RAI14: variants seen among roughly 807,000 people sequenced by gnomAD.
RAI14 encodes retinoic acid induced 14.
RAI14 carries 45 observed loss-of-function variants against 115.4 expected under a neutral mutation model. The observed-to-expected ratio is 0.39, with a 90% CI of 0.31 to 0.50. The LOEUF (loss-of-function observed/expected upper bound fraction) is 0.50, where lower values mean the gene tolerates loss of function less well. Ranked by LOEUF, RAI14 falls within the 20% of genes least tolerant of loss-of-function variation. The probability of loss-of-function intolerance (pLI) is 0.85; values close to 1 mark genes in which losing one functional copy is unlikely to be tolerated. For missense variants in RAI14, 939 were observed against 1,131.2 expected (o/e 0.83, Z 2.44); for synonymous variants, 371 against 415.4 (o/e 0.89, Z 1.30).
At chr5:34,665,043 G>GTGTATATATATATGTGTATATATATA (rs1743016115) in intron 1 of RAI14, among the ~76,000 whole-genome samples, 9 of 43,178 alleles carry the variant, frequency 2.1e-4, no homozygotes, top group Non-Finnish European at 3.4e-4. Flanking sequence ...GTATATATAT[G>GTGTATATATATATGTGTATATATATA]TGTATATATA....
At chr5:34,726,500 C>A (rs1002520248) in intron 2 of RAI14, among the ~76,000 whole-genome samples, 1 of 152,166 alleles carries the variant, frequency 6.6e-6, no homozygotes, top group African/African-American at 2.4e-5. Context: ...CCCCATGATC[C>A]AATGACCTCC....
At chr5:34,681,141 T>C (rs1466065408) in intron 1 of RAI14, among the ~76,000 whole-genome samples, 1 of 152,200 alleles carries the variant, frequency 6.6e-6, no homozygotes, top group Admixed American at 6.5e-5. Flanking sequence ...GGTACCTTCA[T>C]TAGGAAGGTT....
chr5:34,776,793 T>C (rs369589475), intron 3 of RAI14, among the ~76,000 whole-genome samples: 30,699 of 145,580 alleles, frequency 0.21, 4,444 homozygotes, highest in Non-Finnish European at 0.3. Context: ...GGTGACAGAG[T>C]GAGACCCTTT....
chr5:34,693,253 C>T (rs146936215), intron 2 of RAI14, among the ~76,000 whole-genome samples: 7 of 152,306 alleles, frequency 4.6e-5, no homozygotes, highest in African/African-American at 1.7e-4. Context: ...CTTAACACAA[C>T]TCCATGCCCT....
Position 34,831,841 on chromosome 5 carries a change from A to T in RAI14, c.*1076A>T, listed in dbSNP as rs1336493392. ...AACTTTCAGCCATGGTGTCTTCAGA[A>T]TTGTAGCGCATTTCTGAATCTAGCA... On this transcript the variant is annotated 3_prime_UTR_variant, in exon 18 of 18. Transcript: ENST00000265109. 6.6e-6 allele frequency: 1 copy of T among 152,118 alleles called. No homozygotes were observed. Among genetic ancestry groups the T allele is most frequent in the African/African-American group, 2.4e-5 (1 of 41,426 alleles). The allele number at this position is 152,118 out of a possible 1,614,324, so 9.4% of individuals were successfully genotyped here. A position where few individuals can be genotyped will look rare whatever the true frequency, so the allele number is the denominator to read the frequency against.
intron 1 of RAI14, among the ~76,000 whole-genome samples, chr5:34,664,331 T>C (rs1307712923): frequency 1.5e-5 from 2 of 135,360 alleles, no homozygotes; most frequent in African/African-American, 5.5e-5. Flanking sequence ...ATATCTACTT[T>C]AAAAAAAAAA....
chr5:34,750,514 C>G (rs903672319), intron 2 of RAI14, among the ~76,000 whole-genome samples: 1 of 152,030 alleles, frequency 6.6e-6, no homozygotes, highest in Admixed American at 6.6e-5. Flanking sequence ...GAGACTGAAC[C>G]GTTCGAAGGC....
chr5:34,756,243 G>A (rs903800718), intron 2 of RAI14, among the ~76,000 whole-genome samples: 2 of 152,118 alleles, frequency 1.3e-5, no homozygotes, highest in Non-Finnish European at 2.9e-5. Context: ...ACATACTCCC[G>A]GGGCCGTGGA....
chr5:34,732,651 C>G (rs1744350632), intron 2 of RAI14, among the ~76,000 whole-genome samples: 1 of 151,486 alleles, frequency 6.6e-6, no homozygotes, highest in South Asian at 2.1e-4. Flanking sequence ...GTTGGCCAGG[C>G]TGGTCTTGAA....
At chr5:34,803,135 C>T (rs1035220470) in intron 4 of RAI14, among the ~76,000 whole-genome samples, 13 of 152,126 alleles carry the variant, frequency 8.5e-5, no homozygotes, top group East Asian at 1.9e-4. Context: ...ATGAATCCAC[C>T]GCAAGTGTCT....
At chr5:34,710,298 G>C (rs1235592088) in intron 2 of RAI14, among the ~76,000 whole-genome samples, 1 of 152,174 alleles carries the variant, frequency 6.6e-6, no homozygotes, top group Non-Finnish European at 1.5e-5. Flanking sequence ...TCCTTGGCTT[G>C]TAGGTGCATT....
At chr5:34,658,816 TA>T (rs1742475596) in intron 1 of RAI14, among the ~76,000 whole-genome samples, 2 of 151,776 alleles carry the variant, frequency 1.3e-5, no homozygotes, top group South Asian at 2.1e-4. Flanking sequence ...AATAAATAAA[TA>T]AGTATGAAAT....
At chr5:34,764,137 C>G (rs1347357018) in intron 3 of RAI14, among the ~76,000 whole-genome samples, 1 of 152,206 alleles carries the variant, frequency 6.6e-6, no homozygotes, top group Non-Finnish European at 1.5e-5. Flanking sequence ...AGGCGTGAGC[C>G]ACTGCACCCG....
chr5:34,701,012 A>G (rs1240630363), intron 2 of RAI14, among the ~76,000 whole-genome samples: 3 of 152,224 alleles, frequency 2.0e-5, no homozygotes, highest in Admixed American at 6.5e-5. Context: ...CCAGAAACAT[A>G]AGAAAAGACA....
intron 2 of RAI14, among the ~76,000 whole-genome samples, chr5:34,697,830 C>T (rs1403386967): frequency 5.9e-5 from 9 of 152,110 alleles, no homozygotes; most frequent in Admixed American, 5.9e-4. Flanking sequence ...ACCTACATGA[C>T]ATCTGACTCT....
intron 2 of RAI14, among the ~76,000 whole-genome samples, chr5:34,746,044 C>T (rs1391460598): frequency 6.6e-6 from 1 of 151,824 alleles, no homozygotes; most frequent in African/African-American, 2.4e-5. Context: ...AATTCTGCCA[C>T]CTCCCAGCCC....
At chr5:34,736,221 C>T (rs1313938965) in intron 2 of RAI14, among the ~76,000 whole-genome samples, 1 of 152,122 alleles carries the variant, frequency 6.6e-6, no homozygotes, top group African/African-American at 2.4e-5. Flanking sequence ...GCCAACATGG[C>T]GAAGCCCCGT....
intron 2 of RAI14, among the ~76,000 whole-genome samples, chr5:34,689,762 C>T (rs1738337425): frequency 6.6e-6 from 1 of 151,970 alleles, no homozygotes; most frequent in Admixed American, 6.5e-5. Flanking sequence ...ATCCCAGCTA[C>T]TTGGGAGGCT....
chr5:34,796,828 A>T (rs546794698), intron 4 of RAI14, among the ~76,000 whole-genome samples: 69 of 152,252 alleles, frequency 4.5e-4, no homozygotes, highest in African/African-American at 1.6e-3. Flanking sequence ...GTACACACAC[A>T]CACAAACACA....
Sources: gnomAD v4.1 joint callset for allele counts (sites outside exome capture counted in the v4.1 genomes callset) on GRCh38, gnomAD v4.1.1 for gene constraint, MANE v1.5 for transcripts, NCBI Gene and HGNC (gene_info 2026-07-23, HGNC 2026-07-21) for gene names.